The following COL9A1 variants were observed in gnomAD, a reference collection of about 807,000 sequenced individuals.
The protein encoded by COL9A1 is collagen type IX alpha 1 chain.
In COL9A1, 104 loss-of-function variants were observed where a neutral mutation model predicts 142.6. The observed-to-expected ratio is 0.73, with a 90% CI of 0.62 to 0.86. The LOEUF is 0.86. COL9A1 is among the 40% of genes least tolerant of loss of function. The pLI, the probability that COL9A1 is intolerant of heterozygous loss-of-function variation, is 0.00. For synonymous variants in COL9A1, 466 were observed against 396.0 expected (o/e 1.18, Z -2.10); for missense variants, 1,210 against 1,176.6 (o/e 1.03, Z -0.42).
In COL9A1 at chr6:70,282,733, C is replaced by A. The variant is rs1773242973; in HGVS notation, c.801+165G>T. Among the ~76,000 whole-genome samples the A allele has an allele frequency of 2.6e-5, 4 of 152,114 alleles. 1 individual carries two copies. Among genetic ancestry groups the A allele is most frequent in the African/African-American group, 7.2e-5 (3 of 41,426 alleles). ...CTAGACCAAGGGGTCATCTACGGCT[C>A]TGGACTTCGATAGGACTCGCGGCAG... On this transcript the variant is annotated intron_variant, in intron 7 of 37. Coordinates refer to ENST00000357250, the MANE Select transcript of COL9A1 (RefSeq NM_001851.6).
rs542312073 is a variant in COL9A1, at chr6:70,242,579, T to C, written c.1926+83A>G. On this transcript the variant is annotated intron_variant, in intron 29 of 37. Coordinates refer to ENST00000357250, the MANE Select transcript of COL9A1 (RefSeq NM_001851.6). ...AGAAATCAAGTACAGGTAATTCAATTGTAAATTGTTTTCTCCTCTTGCTTA... is the reference window on the plus strand; with the variant it reads ...AGAAATCAAGTACAGGTAATTCAATCGTAAATTGTTTTCTCCTCTTGCTTA... 4.2e-6 allele frequency: 5 copies of C among 1,187,878 alleles called. No individual in the cohort carries two copies. In the African/African-American group the frequency reaches 7.5e-5, roughly 18 times the overall value. 73.6% of individuals were successfully genotyped at this position (1,187,878 alleles called of 1,614,324 possible).
At position 70,280,885 on chromosome 6, in the gene COL9A1, G is replaced by T; in HGVS notation, c.913-11C>A. The T allele has an allele frequency of 6.2e-7, 1 of 1,613,454 alleles. No homozygotes were observed. The highest frequency in any genetic ancestry group is 8.5e-7 in the Non-Finnish European group (1 of 1,179,824). On this transcript the variant is annotated splice_polypyrimidine_tract_variant and intron_variant, in intron 9 of 37. Transcript: ENST00000357250. Reference sequence around the variant, plus strand: ...TTCACCTGCAGGACCCTGAGCAGGGGCAGAAGGGTGCGGGGGCAGGAGAGA... The same window carrying T: ...TTCACCTGCAGGACCCTGAGCAGGGTCAGAAGGGTGCGGGGGCAGGAGAGA...
At chr6:70,273,301 T>G (rs543005342) in intron 12 of COL9A1, among the ~76,000 whole-genome samples, 1 of 152,268 alleles carries the variant, frequency 6.6e-6, no homozygotes, top group South Asian at 2.1e-4. Context: ...TTCAACAAAT[T>G]TCACTAAACA....
intron 7 of COL9A1, among the ~76,000 whole-genome samples, chr6:70,282,336 T>C (rs553018891): frequency 6.6e-6 from 1 of 152,128 alleles, no homozygotes; most frequent in Non-Finnish European, 1.5e-5. Flanking sequence ...GCTGGGCTTA[T>C]GCGCCCCCGC....
Position 70,300,152 on chromosome 6 carries a change from G to T in COL9A1, c.190C>A (p.Gln64Lys). 1 of 1,613,658 alleles carries T rather than the reference G, an allele frequency of 6.2e-7. No homozygotes were observed. Among genetic ancestry groups the T allele is most frequent in the Non-Finnish European group, 8.5e-7 (1 of 1,179,862 alleles). Residue 64 changes from glutamine to lysine, a missense_variant, in exon 4 of 38, where the codon CAG becomes AAG. Physicochemically the swap from Gln to Lys is moderately conservative, Grantham distance 53. Transcript: ENST00000357250. ...LPGFDLISQF[Q>K]VDKAASRRAI... ...CTTCTAGATGCTGCTTTATCTACCT[G>T]GAACTGAGAGATCAGATCAAACCCT... is the stretch of plus-strand genomic sequence containing the variant.
At chr6:70,283,923 C>G in intron 5 of COL9A1, 103 bp from the exon 6 acceptor site, 1 of 849,684 alleles carries the variant, frequency 1.2e-6, no homozygotes, top group Non-Finnish European at 2.0e-6. Context: ...AATTGGAAAT[C>G]AACTTGAACT....
intron 21 of COL9A1, among the ~76,000 whole-genome samples, chr6:70,256,361 G>A (rs1337851047): frequency 6.6e-6 from 1 of 152,098 alleles, no homozygotes; most frequent in Admixed American, 6.6e-5. Context: ...AAACAGGCTT[G>A]AGGAAACCTA....
chr6:70,257,983 G>T (rs184882256), intron 20 of COL9A1, among the ~76,000 whole-genome samples: 1 of 152,100 alleles, frequency 6.6e-6, no homozygotes, highest in African/African-American at 2.4e-5. Flanking sequence ...TAAAGTAACC[G>T]GCCTATTTTC....
In COL9A1 at chr6:70,302,086, A is replaced by G. The variant is rs748127801; in HGVS notation, c.15-12T>C. The G allele has an allele frequency of 1.9e-6, 3 of 1,602,080 alleles. No individual in the cohort carries two copies. The highest frequency in any genetic ancestry group is 2.2e-5 in the South Asian group (2 of 89,314). On this transcript the variant is annotated splice_polypyrimidine_tract_variant and intron_variant, in intron 1 of 37. Transcript: ENST00000357250. ...AAACTGGAATTTTCCTGAAGAAGAGAGAAGAAAAATGACTGAAACAGGAGT... is the reference window on the plus strand; with the variant it reads ...AAACTGGAATTTTCCTGAAGAAGAGGGAAGAAAAATGACTGAAACAGGAGT...
chr6:70,281,458 G>A lies in COL9A1; in HGVS notation c.808C>T (p.Pro270Ser), dbSNP rs376107070. ...CCGGGAGGACCCTGCTCACCCGGGG[G>A]ACCTCTCTGGCAAAAATAGCAGACA... is the stretch of plus-strand genomic sequence containing the variant. ...TPSQTTDERG[P>S]PGEQGPPGPP... The change falls in exon 8 of 38, where the codon CCC becomes TCC. Residue 270 changes from proline (P) to serine (S), a missense_variant. Physicochemically the swap from Pro to Ser is moderately conservative, Grantham distance 74 (BLOSUM62 -1). Coordinates refer to ENST00000357250, the MANE Select transcript of COL9A1 (RefSeq NM_001851.6). 138 of 1,611,660 alleles carry A rather than the reference G, an allele frequency of 8.6e-5. No homozygotes were observed. The highest frequency in any genetic ancestry group is 1.5e-4 in the African/African-American group (11 of 74,804).
chr6:70,217,199 T>C, intron 37 of COL9A1, 118 bp from the exon 38 acceptor site: 4 of 835,768 alleles, frequency 4.8e-6, no homozygotes, highest in African/African-American at 3.3e-5. Context: ...TTGGAAGCGA[T>C]GGATGATGAC....
intron 37 of COL9A1, among the ~76,000 whole-genome samples, chr6:70,217,475 T>C (rs1481847136): frequency 6.6e-6 from 1 of 152,216 alleles, no homozygotes; most frequent in African/African-American, 2.4e-5. Flanking sequence ...AAATAGTTCA[T>C]TAATAATTTT....
chr6:70,227,292 G>A (rs1769286037), intron 36 of COL9A1, among the ~76,000 whole-genome samples: 1 of 151,352 alleles, frequency 6.6e-6, no homozygotes, highest in South Asian at 2.1e-4. Flanking sequence ...AATACAAAAA[G>A]GCCAACAACA....
chr6:70,282,901 G>A lies in COL9A1; in HGVS notation c.798C>T (p.Asp266=), dbSNP rs2127599082. ...ACACTCCCTGCCCCCAACTTACCTC[G>A]TCGGTGGTCTGGCTGGGCTGGAGAA... ...PARITPSQTT[D]ERGPPGEQGP... Residue 266 remains aspartate (D), a synonymous_variant, in exon 7 of 38, where the codon GAC becomes GAT. Transcript: ENST00000357250. 1 of 1,614,180 alleles carries A rather than the reference G, an allele frequency of 6.2e-7. No individual in the cohort carries two copies. The highest frequency in any genetic ancestry group is 1.6e-4 in the Middle Eastern group (1 of 6,062).
At chr6:70,238,941 C>T (rs1770074366) in intron 33 of COL9A1, among the ~76,000 whole-genome samples, 1 of 152,154 alleles carries the variant, frequency 6.6e-6, no homozygotes, top group Non-Finnish European at 1.5e-5. Flanking sequence ...GAATTCGAGA[C>T]CAGTCTGACC....
At chr6:70,299,974 A>G in intron 4 of COL9A1, 69 bp downstream of exon 4, 1 of 1,446,336 alleles carries the variant, frequency 6.9e-7, no homozygotes, top group Admixed American at 1.7e-5. Flanking sequence ...AAACTCTAAC[A>G]TTGGATAGCT....
rs757498824 is a variant in COL9A1, at chr6:70,302,059, G to T, written c.30C>A (p.Phe10Leu). 1.2e-6 allele frequency: 2 copies of T among 1,611,068 alleles called. No homozygotes were observed. Among genetic ancestry groups the T allele is most frequent in the Non-Finnish European group, 1.7e-6 (2 of 1,178,836 alleles). The change falls in exon 2 of 38, where the codon TTC becomes TTA. Residue 10 changes from phenylalanine (F) to leucine (L), a missense_variant. Transcript: ENST00000357250. MKTCWKIPVFFFVCSFLEPW... is the reference protein window; with the variant it reads MKTCWKIPVLFFVCSFLEPW... ...GTTCCAGGAAACTGCACACAAAGAA[G>T]AAAACTGGAATTTTCCTGAAGAAGA...
intron 28 of COL9A1, among the ~76,000 whole-genome samples, chr6:70,244,916 T>G (rs193025853): frequency 2.7e-3 from 407 of 152,350 alleles, no homozygotes; most frequent in African/African-American, 9.1e-3. Flanking sequence ...ATACACAGCC[T>G]GCTCTGCTGA....
chr6:70,238,641 A>G (rs1371918881), intron 33 of COL9A1, among the ~76,000 whole-genome samples: 1 of 152,198 alleles, frequency 6.6e-6, no homozygotes, highest in East Asian at 1.9e-4. Flanking sequence ...TTTAAAAATG[A>G]CCCATTTGGA....
Sources: gnomAD v4.1 joint callset for allele counts (sites outside exome capture counted in the v4.1 genomes callset) on GRCh38, gnomAD v4.1.1 for gene constraint, MANE v1.5 for transcripts, NCBI Gene and HGNC (gene_info 2026-07-23, HGNC 2026-07-21) for gene names.